ARHGAP44: variants seen among roughly 807,000 people sequenced by gnomAD.
ARHGAP44 encodes Rho GTPase activating protein 44, also known as rho GTPase-activating protein 44.
Under a neutral mutation model 106.8 loss-of-function variants are expected in ARHGAP44, and 43 were observed. The ratio of observed to expected loss-of-function variants is 0.40; its 90% confidence interval spans 0.32 to 0.52. The LOEUF (loss-of-function observed/expected upper bound fraction) is 0.52. Ranked by LOEUF, ARHGAP44 falls within the 20% of genes least tolerant of loss-of-function variation. The pLI is 0.48. For synonymous variants in ARHGAP44, 439 were observed against 410.3 expected, an observed-to-expected ratio of 1.07 and a Z score of -0.85; for missense variants, 866 against 1,050.5, an observed-to-expected ratio of 0.82 and a Z score of 2.43.
At chr17:12,849,229 G>T (rs1325082959) in intron 1 of ARHGAP44, among the ~76,000 whole-genome samples, 1 of 151,702 alleles carries the variant, frequency 6.6e-6, no homozygotes. Context: ...GTGTGTGTGT[G>T]TGTGCGCACA....
At chr17:12,841,587 C>CTG (rs2035394808) in intron 1 of ARHGAP44, among the ~76,000 whole-genome samples, 2 of 130,656 alleles carry the variant, frequency 1.5e-5, no homozygotes, top group Non-Finnish European at 3.2e-5. Flanking sequence ...GTCTCTCTGT[C>CTG]TCTCTCTCAC....
intron 1 of ARHGAP44, among the ~76,000 whole-genome samples, chr17:12,888,929 C>T (rs1271846063): frequency 6.6e-6 from 1 of 152,072 alleles, no homozygotes; most frequent in African/African-American, 2.4e-5. Flanking sequence ...ATCAGTGCTT[C>T]CATTATGTCT....
At chr17:12,915,455 T>C (rs1321262559) in intron 4 of ARHGAP44, among the ~76,000 whole-genome samples, 3 of 152,256 alleles carry the variant, frequency 2.0e-5, no homozygotes, top group Non-Finnish European at 4.4e-5. Context: ...TTTCATTGGA[T>C]AATTGTCTAT....
intron 16 of ARHGAP44, among the ~76,000 whole-genome samples, chr17:12,961,956 A>G (rs889638886): frequency 6.6e-6 from 1 of 152,120 alleles, no homozygotes; most frequent in Non-Finnish European, 1.5e-5. Context: ...CCAGTTCTCT[A>G]TATTGGCCCC....
intron 1 of ARHGAP44, among the ~76,000 whole-genome samples, chr17:12,849,969 G>A (rs746352682): frequency 6.6e-6 from 1 of 152,088 alleles, no homozygotes; most frequent in Non-Finnish European, 1.5e-5. Context: ...CCGAAAAATA[G>A]CCCATAAAAG....
At chr17:12,966,366 T>G (rs1002080833) in intron 16 of ARHGAP44, among the ~76,000 whole-genome samples, 1 of 152,140 alleles carries the variant, frequency 6.6e-6, no homozygotes, top group African/African-American at 2.4e-5. Context: ...TCCCCTGGAC[T>G]TAGACATTGT....
rs201986436 is a variant in ARHGAP44, at chr17:12,956,685, G to A, written c.1281G>A (p.Ser427=). Residue 427 remains serine (S), a synonymous_variant, in exon 15 of 21, where the codon TCG becomes TCA. Coordinates refer to ENST00000379672, the MANE Select transcript of ARHGAP44 (RefSeq NM_014859.6). ...GNITEMMTTV[S]LQIVGIIEPI... ...TTACAGAGATGATGACCACAGTGTC[G>A]CTGCAAATTGTTGGGATCATTGAAC... 1.1e-3 allele frequency: 1,745 copies of A among 1,614,128 alleles called. 32 individuals carry two copies. In the South Asian group the frequency reaches 0.015, roughly 14 times the overall value.
intron 1 of ARHGAP44, among the ~76,000 whole-genome samples, chr17:12,838,617 T>C (rs1457155162): frequency 6.6e-6 from 1 of 152,114 alleles, no homozygotes; most frequent in East Asian, 1.9e-4. Flanking sequence ...TCTGAATTTG[T>C]AGTTTGAGTG....
At chr17:12,912,333 A>G (rs1335969583) in intron 4 of ARHGAP44, among the ~76,000 whole-genome samples, 1 of 152,228 alleles carries the variant, frequency 6.6e-6, no homozygotes, top group Non-Finnish European at 1.5e-5. Context: ...GGTTGGGAAG[A>G]TAAATATGAA....
At chr17:12,986,482 G>C (rs1170052466) in intron 20 of ARHGAP44, 1 of 152,446 alleles carries the variant, frequency 6.6e-6, no homozygotes, top group Admixed American at 6.6e-5. Context: ...GCAGAAGATG[G>C]CCAGGCACGG....
At chr17:12,871,519 A>G (rs745894151) in intron 1 of ARHGAP44, among the ~76,000 whole-genome samples, 3 of 152,118 alleles carry the variant, frequency 2.0e-5, no homozygotes, top group African/African-American at 4.8e-5. Context: ...TAGCCAGAGC[A>G]GGAGGAAGAG....
intron 1 of ARHGAP44, among the ~76,000 whole-genome samples, chr17:12,793,098 A>G (rs752754332): frequency 6.6e-6 from 1 of 152,326 alleles, no homozygotes; most frequent in South Asian, 2.1e-4. Flanking sequence ...GTTGCTGACT[A>G]TGGAATCCAG....
chr17:12,842,414 C>CAAAAAAAAAAAAAAA (rs558245390), intron 1 of ARHGAP44, among the ~76,000 whole-genome samples: 1 of 56,410 alleles, frequency 1.8e-5, no homozygotes, highest in Non-Finnish European at 4.2e-5. Context: ...GAGACCATCT[C>CAAAAAAAAAAAAAAA]AAAAAAAAAA....
intron 1 of ARHGAP44, among the ~76,000 whole-genome samples, chr17:12,821,640 C>T (rs2034773957): frequency 1.3e-5 from 2 of 152,104 alleles, no homozygotes; most frequent in African/African-American, 4.8e-5. Context: ...AACTTTGATC[C>T]TAAAACACCA....
chr17:12,916,215 C>A (rs1008134595), intron 5 of ARHGAP44, among the ~76,000 whole-genome samples: 7 of 152,144 alleles, frequency 4.6e-5, no homozygotes, highest in African/African-American at 1.7e-4. Flanking sequence ...CCTACCCATT[C>A]TCTTCCCTGC....
intron 1 of ARHGAP44, among the ~76,000 whole-genome samples, chr17:12,880,980 C>T (rs763958892): frequency 2.0e-5 from 3 of 152,144 alleles, no homozygotes; most frequent in Non-Finnish European, 4.4e-5. Flanking sequence ...GTATATTCCT[C>T]CTTACGAATG....
chr17:12,943,472 T>C (rs1003893774), intron 8 of ARHGAP44, 116 bp from the exon 9 acceptor site: 59 of 838,260 alleles, frequency 7.0e-5, no homozygotes, highest in Middle Eastern at 5.0e-4. Context: ...GAGGAGGGAA[T>C]GGGTGACTAC....
At chr17:12,852,703 G>A (rs1003841975) in intron 1 of ARHGAP44, among the ~76,000 whole-genome samples, 8 of 151,732 alleles carry the variant, frequency 5.3e-5, no homozygotes, top group Admixed American at 5.3e-4. Context: ...CACCACGCCC[G>A]GCTAATTTTT....
At chr17:12,906,813 G>A (rs1164462743) in intron 3 of ARHGAP44, among the ~76,000 whole-genome samples, 4 of 152,062 alleles carry the variant, frequency 2.6e-5, no homozygotes, top group Non-Finnish European at 5.9e-5. Flanking sequence ...GGGGGTGCAT[G>A]CCTGTAGTTC....
Sources: allele counts gnomAD v4.1 joint callset (sites outside exome capture counted in the v4.1 genomes callset), GRCh38; gene constraint gnomAD v4.1.1; transcripts MANE v1.5; gene names NCBI Gene and HGNC (gene_info 2026-07-23, HGNC 2026-07-21).